Variants in ZFHX3 observed in about 807,000 individuals in gnomAD.
ZFHX3 encodes zinc finger homeobox protein 3.
ZFHX3 carries 42 observed loss-of-function variants against 279.1 expected under a neutral mutation model. That is an observed-to-expected ratio of 0.15 (90% CI 0.12 to 0.19). The LOEUF (loss-of-function observed/expected upper bound fraction) is 0.19, where lower values mean the gene tolerates loss of function less well. Ranked by LOEUF, ZFHX3 falls within the 10% of genes least tolerant of loss-of-function variation. The pLI, the probability that ZFHX3 is intolerant of heterozygous loss-of-function variation, is 1.00. For synonymous variants in ZFHX3, 2,293 were observed against 1,957.8 expected (o/e 1.17, Z -4.52); for missense variants, 4,981 against 4,754.0 (o/e 1.05, Z -1.40).
intron 1 of ZFHX3, among the ~76,000 whole-genome samples, chr16:73,690,798 G>A (rs2142206906): frequency 6.6e-6 from 1 of 152,298 alleles, no homozygotes; most frequent in Non-Finnish European, 1.5e-5. Context: ...CATCCCTAGT[G>A]CCAGACAAAT....
intron 4 of ZFHX3, among the ~76,000 whole-genome samples, chr16:72,879,778 C>A (rs1195081260): frequency 1.3e-5 from 2 of 152,338 alleles, no homozygotes; most frequent in South Asian, 4.1e-4. Context: ...ACAGGCCAGC[C>A]TGCTGGAGCA....
At chr16:73,520,642 T>C (rs887794910) in intron 2 of ZFHX3, among the ~76,000 whole-genome samples, 2 of 152,192 alleles carry the variant, frequency 1.3e-5, no homozygotes, top group Non-Finnish European at 2.9e-5. Context: ...ACATCTGGTG[T>C]CTAGCAAGCA....
rs1597238188 is a variant in ZFHX3, at chr16:72,795,270, A to G, written c.7412T>C (p.Leu2471Pro). The change falls in exon 9 of 10, where the codon CTC (leucine) becomes CCC (proline). Residue 2471 changes from leucine (L) to proline (P), a missense_variant. Leu to Pro is a moderately conservative substitution (Grantham distance 98). Coordinates refer to ENST00000268489, the MANE Select transcript of ZFHX3 (RefSeq NM_006885.4). The stretch of plus-strand genomic sequence containing the variant: ...CGAAGGCAGGGACACCAGCTGGGGG[A>G]GCTTCTGCTGGGGAGTGTTGGTCTT... ...EQKTNTPQQK[L>P]PQLVSLPSLP... The G allele has an allele frequency of 6.2e-7, 1 of 1,611,652 alleles. No individual in the cohort carries two copies. The highest frequency in any genetic ancestry group is 8.5e-7 in the Non-Finnish European group (1 of 1,178,938).
At chr16:72,939,642 C>G (rs998818341) in intron 3 of ZFHX3, among the ~76,000 whole-genome samples, 1 of 152,214 alleles carries the variant, frequency 6.6e-6, no homozygotes, top group African/African-American at 2.4e-5. Flanking sequence ...AATCCCAGCA[C>G]TTTGGGAGGC....
chr16:73,281,364 G>T (rs1289798099), intron 4 of ZFHX3, among the ~76,000 whole-genome samples: 2 of 152,190 alleles, frequency 1.3e-5, no homozygotes, highest in African/African-American at 4.8e-5. Flanking sequence ...TATGTTAAGT[G>T]AAATAAGCCT....
intron 1 of ZFHX3, among the ~76,000 whole-genome samples, chr16:72,999,377 G>A (rs779491754): frequency 6.6e-6 from 1 of 152,224 alleles, no homozygotes; most frequent in Non-Finnish European, 1.5e-5. Context: ...GGCTGGTCTC[G>A]AACTCCTGAC....
chr16:73,025,356 G>T lies in ZFHX3; in HGVS notation c.-50+22396C>A, dbSNP rs545207973. On this transcript the variant is annotated intron_variant, in intron 1 of 9. Coordinates refer to ENST00000268489, the MANE Select transcript of ZFHX3 (RefSeq NM_006885.4). Reference sequence around the variant, plus strand: ...CCGGGAAGGGGAGGGACACCATGGTGGTTTGCAGAGCTCCACCTCTGGGAA... The same window carrying T: ...CCGGGAAGGGGAGGGACACCATGGTTGTTTGCAGAGCTCCACCTCTGGGAA... 5.3e-5 allele frequency among the ~76,000 whole-genome samples: 8 copies of T among 152,346 alleles called. No homozygotes were observed. The East Asian group carries it at 1.4e-3, about 26-fold the overall frequency.
At chr16:73,212,095 T>G (rs1400574918) in intron 5 of ZFHX3, among the ~76,000 whole-genome samples, 4 of 152,074 alleles carry the variant, frequency 2.6e-5, no homozygotes, top group Admixed American at 2.6e-4. Flanking sequence ...TCTCTCTCTT[T>G]TTAAAGAAGT....
chr16:73,377,745 T>G (rs1324214375), intron 3 of ZFHX3, among the ~76,000 whole-genome samples: 2 of 151,622 alleles, frequency 1.3e-5, no homozygotes, highest in African/African-American at 4.8e-5. Flanking sequence ...TTTAAATATC[T>G]TATACAGGCC....
chr16:73,268,762 G>A (rs913998611), intron 4 of ZFHX3, among the ~76,000 whole-genome samples: 1 of 152,200 alleles, frequency 6.6e-6, no homozygotes, highest in African/African-American at 2.4e-5. Context: ...TCCTTGGTCA[G>A]GGATAACCAT....
chr16:73,585,143 T>G (rs927914748), intron 2 of ZFHX3, among the ~76,000 whole-genome samples: 6 of 152,120 alleles, frequency 3.9e-5, no homozygotes, highest in Non-Finnish European at 7.4e-5. Flanking sequence ...ACAGGTCAGG[T>G]GCGGTGGCTC....
chr16:73,110,589 G>A (rs1966361005), intron 7 of ZFHX3, among the ~76,000 whole-genome samples: 2 of 152,044 alleles, frequency 1.3e-5, no homozygotes, highest in Admixed American at 6.6e-5. Context: ...TTTTTTTGGA[G>A]ACAGGGTCTT....
At chr16:73,571,785 C>G (rs1322686268) in intron 2 of ZFHX3, among the ~76,000 whole-genome samples, 1 of 152,136 alleles carries the variant, frequency 6.6e-6, no homozygotes, top group Non-Finnish European at 1.5e-5. Flanking sequence ...ATGTGTTGCA[C>G]AAACTTCTTT....
At chr16:73,125,198 G>GTGTT (rs71391490) in intron 7 of ZFHX3, 1 of 115,026 alleles carries the variant, frequency 8.7e-6, no homozygotes, top group African/African-American at 3.4e-5. Context: ...GAATTGAGCT[G>GTGTT]TTTTTTTTTT....
At chr16:72,945,492 C>T (rs1960620493) in intron 3 of ZFHX3, among the ~76,000 whole-genome samples, 1 of 152,148 alleles carries the variant, frequency 6.6e-6, no homozygotes, top group Admixed American at 6.5e-5. Context: ...GAACCGCAGG[C>T]CTCCAGCTGC....
At chr16:73,708,881 A>T (rs1194252146) in intron 1 of ZFHX3, among the ~76,000 whole-genome samples, 1 of 152,194 alleles carries the variant, frequency 6.6e-6, no homozygotes, top group Non-Finnish European at 1.5e-5. Context: ...GAAAGAGCAT[A>T]ACAAAGTCTG....
intron 2 of ZFHX3, among the ~76,000 whole-genome samples, chr16:73,550,304 G>A (rs1156551111): frequency 2.0e-5 from 3 of 152,126 alleles, no homozygotes; most frequent in Non-Finnish European, 2.9e-5. Context: ...GTCAGGTCAC[G>A]GGGGACACAT....
chr16:73,513,709 A>G (rs1425522637), intron 2 of ZFHX3, among the ~76,000 whole-genome samples: 1 of 152,192 alleles, frequency 6.6e-6, no homozygotes, highest in East Asian at 1.9e-4. Flanking sequence ...CTCATTGGTC[A>G]GGAGCCTGGA....
chr16:72,954,758 C>T lies in ZFHX3; in HGVS notation c.2719+2669G>A, dbSNP rs74389219. Among the ~76,000 whole-genome samples the T allele has an allele frequency of 2.6e-3, 391 of 152,264 alleles. 15 individuals are homozygous for T. In the East Asian group the frequency reaches 0.073, roughly 28 times the overall value. ...TGCTGTCTACAAAGAGCAGCAGATC[C>T]GACTGTACTAGGCGAAGGAGCCCCA... On this transcript the variant is annotated intron_variant, in intron 2 of 9. Coordinates refer to ENST00000268489, the MANE Select transcript of ZFHX3 (RefSeq NM_006885.4).
Sources: allele counts gnomAD v4.1 joint callset (sites outside exome capture counted in the v4.1 genomes callset), GRCh38; gene constraint gnomAD v4.1.1; transcripts MANE v1.5; gene names NCBI Gene and HGNC (gene_info 2026-07-23, HGNC 2026-07-21).